PTPRN2: variants seen among roughly 807,000 people sequenced by gnomAD.
The protein encoded by PTPRN2 is receptor-type tyrosine-protein phosphatase N2.
In PTPRN2, 74 loss-of-function variants were observed where a neutral mutation model predicts 118.8. The ratio of observed to expected loss-of-function variants is 0.62; its 90% CI spans 0.52 to 0.76. The LOEUF is 0.76. Ranked by LOEUF, PTPRN2 falls within the 30% of genes least tolerant of loss-of-function variation. The pLI, the probability that PTPRN2 is intolerant of heterozygous loss-of-function variation, is 0.00. For synonymous variants in PTPRN2, 641 were observed against 608.0 expected, an observed-to-expected ratio of 1.05 and a Z score of -0.80; for missense variants, 1,481 against 1,394.4, an observed-to-expected ratio of 1.06 and a Z score of -0.99.
At chr7:158,108,772 C>T (rs1684746788) in intron 10 of PTPRN2, among the ~76,000 whole-genome samples, 1 of 152,254 alleles carries the variant, frequency 6.6e-6, no homozygotes, top group Non-Finnish European at 1.5e-5. Flanking sequence ...ACTCTTCTGT[C>T]TTTTCCTAAT....
intron 12 of PTPRN2, among the ~76,000 whole-genome samples, chr7:157,707,197 GCA>G (rs58765321): frequency 2.0e-5 from 3 of 151,282 alleles, no homozygotes; most frequent in African/African-American, 7.3e-5. Flanking sequence ...CAGCATACAC[GCA>G]CACACACAAC....
intron 2 of PTPRN2, among the ~76,000 whole-genome samples, chr7:158,346,213 G>A (rs6955096): frequency 0.9 from 136,590 of 152,278 alleles, 61,634 homozygotes; most frequent in Non-Finnish European, 0.95. Context: ...ACCGTCTACT[G>A]TTATCTTCAT....
intron 1 of PTPRN2, among the ~76,000 whole-genome samples, chr7:158,540,723 C>A (rs1345418187): frequency 6.6e-6 from 1 of 152,244 alleles, no homozygotes. Context: ...GCTCTAACAC[C>A]TCCCACCGCC....
At chr7:158,005,585 G>A (rs1805579173) in intron 11 of PTPRN2, among the ~76,000 whole-genome samples, 1 of 152,228 alleles carries the variant, frequency 6.6e-6, no homozygotes, top group South Asian at 2.1e-4. Flanking sequence ...AAGATTAGCT[G>A]CAGCGTTTTG....
At position 158,071,367 on chromosome 7, in the gene PTPRN2, A is replaced by AGGTGCTCG. The variant is rs1563390756; in HGVS notation, c.1723+9930_1723+9931insCGAGCACC. ...GGTGCTCGTGGTGGTGGAGGTGCTC[A>AGGTGCTCG]TGGTGGTGGAGGTGCTCGTGGTGGA... On this transcript the variant is annotated intron_variant, in intron 11 of 22. Coordinates refer to ENST00000389418, the MANE Select transcript of PTPRN2 (RefSeq NM_002847.5). Among the ~76,000 whole-genome samples the AGGTGCTCG allele has an allele frequency of 1.6e-3, 65 of 40,642 alleles. 1 individual carries two copies. The highest frequency in any genetic ancestry group is 1.9e-3 in the Non-Finnish European group (43 of 23,210). The allele number at this position is 40,642 out of a possible 152,430, so 26.7% of individuals were successfully genotyped here. A position where few individuals can be genotyped will look rare whatever the true frequency, so the allele number is the denominator to read the frequency against.
At chr7:158,095,325 T>C (rs1405820911) in intron 10 of PTPRN2, among the ~76,000 whole-genome samples, 2 of 151,670 alleles carry the variant, frequency 1.3e-5, no homozygotes, top group Non-Finnish European at 2.9e-5. Flanking sequence ...CAGTGTTTGG[T>C]GTCATTTCTA....
chr7:157,921,742 G>A (rs1272680538), intron 11 of PTPRN2, among the ~76,000 whole-genome samples: 2 of 152,168 alleles, frequency 1.3e-5, no homozygotes, highest in Non-Finnish European at 2.9e-5. Flanking sequence ...CATGCCCTCG[G>A]ACTTCCCAGC....
At chr7:157,917,302 T>C (rs1798459993) in intron 11 of PTPRN2, among the ~76,000 whole-genome samples, 1 of 152,248 alleles carries the variant, frequency 6.6e-6, no homozygotes, top group African/African-American at 2.4e-5. Context: ...AACGCAGAAG[T>C]GCACATTGGC....
At chr7:158,292,413 T>TA (rs1222031042) in intron 3 of PTPRN2, among the ~76,000 whole-genome samples, 1 of 152,166 alleles carries the variant, frequency 6.6e-6, no homozygotes, top group African/African-American at 2.4e-5. Context: ...ACTTTAAAAT[T>TA]AAAAGGTAAA....
At chr7:158,437,038 A>G (rs1340982079) in intron 2 of PTPRN2, among the ~76,000 whole-genome samples, 2 of 152,124 alleles carry the variant, frequency 1.3e-5, no homozygotes, top group African/African-American at 4.8e-5. Context: ...CGCCTCAAAC[A>G]TTGCTTCTAA....
chr7:158,121,520 A>G (rs559770373), intron 9 of PTPRN2, among the ~76,000 whole-genome samples: 32 of 152,250 alleles, frequency 2.1e-4, no homozygotes, highest in Non-Finnish European at 3.4e-4. Context: ...CAACTTCCCA[A>G]TCAATGTTTG....
chr7:157,997,173 G>A (rs1320099963), intron 11 of PTPRN2, among the ~76,000 whole-genome samples: 3 of 152,376 alleles, frequency 2.0e-5, no homozygotes, highest in Admixed American at 6.5e-5. Context: ...GTTCTGCACA[G>A]AGCTGCCTCC....
intron 14 of PTPRN2, among the ~76,000 whole-genome samples, chr7:157,652,235 G>A (rs761436145): frequency 9.9e-5 from 15 of 152,176 alleles, no homozygotes; most frequent in Admixed American, 3.9e-4. Flanking sequence ...AGGCCCCGCC[G>A]GGCTCTGTTC....
intron 10 of PTPRN2, among the ~76,000 whole-genome samples, chr7:158,109,826 A>C (rs1816062998): frequency 6.8e-6 from 1 of 147,694 alleles, no homozygotes; most frequent in African/African-American, 2.5e-5. Context: ...GAATGATGTC[A>C]CCCGTGTAAA....
intron 3 of PTPRN2, among the ~76,000 whole-genome samples, chr7:158,211,211 T>A (rs1381842387): frequency 6.6e-6 from 1 of 152,104 alleles, no homozygotes; most frequent in African/African-American, 2.4e-5. Flanking sequence ...CCTCAAACTA[T>A]GAAACGACTA....
rs1222183591 is a variant in PTPRN2, at chr7:157,808,373, A to G, written c.1788+90300T>C. ...AGTGAGCGAGTGAAACTTTGTCGGT[A>G]TTTATAGCCAGTCCCCATGGCTCAC... is the stretch of plus-strand genomic sequence containing the variant. On this transcript the variant is annotated intron_variant, in intron 12 of 22. Transcript: ENST00000389418. This position sits in a 1 kb window ranked among gnomAD's most constrained non-coding sequence, Gnocchi z 5.0. 1.3e-5 allele frequency among the ~76,000 whole-genome samples: 2 copies of G among 152,024 alleles called. No homozygotes were observed. Among genetic ancestry groups the G allele is most frequent in the Admixed American group, 6.6e-5 (1 of 15,252 alleles).
chr7:157,790,529 G>C (rs542605180), intron 12 of PTPRN2, among the ~76,000 whole-genome samples: 2 of 152,168 alleles, frequency 1.3e-5, no homozygotes, highest in African/African-American at 4.8e-5. Context: ...CAACACAAGG[G>C]CCTGGAGTGT....
At chr7:157,545,266 G>A (rs1798247410) in intron 22 of PTPRN2, among the ~76,000 whole-genome samples, 1 of 151,402 alleles carries the variant, frequency 6.6e-6, no homozygotes, top group African/African-American at 2.4e-5. Flanking sequence ...GTGCAGGTGT[G>A]TGCGTGTGAG....
At chr7:158,080,396 C>T (rs569525511) in intron 11 of PTPRN2, among the ~76,000 whole-genome samples, 4 of 150,356 alleles carry the variant, frequency 2.7e-5, no homozygotes, top group Admixed American at 1.3e-4. Flanking sequence ...TGTCATTTCC[C>T]GCTGTGGCTG....
Sources: gnomAD v4.1 joint callset for allele counts (sites outside exome capture counted in the v4.1 genomes callset) on GRCh38, gnomAD v4.1.1 for gene constraint, Gnocchi (gnomAD v3.1) non-coding constraint, MANE v1.5 for transcripts, NCBI Gene and HGNC (gene_info 2026-07-23, HGNC 2026-07-21) for gene names.